Variants in WNK1 observed in about 807,000 individuals in gnomAD.
WNK1 encodes the protein WNK lysine deficient protein kinase 1.
In WNK1, 38 loss-of-function variants were observed where a neutral mutation model predicts 222.8. The observed-to-expected ratio is 0.17, with a 90% CI of 0.13 to 0.22. The LOEUF (loss-of-function observed/expected upper bound fraction) is 0.22, where lower values mean the gene tolerates loss of function less well. Ranked by LOEUF, WNK1 falls within the 10% of genes least tolerant of loss-of-function variation. The probability of loss-of-function intolerance (pLI) is 1.00; values close to 1 mark genes in which losing one functional copy is unlikely to be tolerated. For synonymous variants in WNK1, 1,090 were observed against 1,092.9 expected (o/e 1.00, Z 0.05); for missense variants, 2,348 against 2,918.4 (o/e 0.80, Z 4.50).
intron 1 of WNK1, among the ~76,000 whole-genome samples, chr12:780,013 G>C (rs911805807): frequency 6.6e-6 from 1 of 152,110 alleles, no homozygotes; most frequent in Admixed American, 6.6e-5. Flanking sequence ...TGCTTAATGG[G>C]TAATGTTGTT....
At chr12:828,526 G>T (rs1039569031) in intron 3 of WNK1, among the ~76,000 whole-genome samples, 1 of 151,986 alleles carries the variant, frequency 6.6e-6, no homozygotes, top group Non-Finnish European at 1.5e-5. Flanking sequence ...AGACTCTGGG[G>T]CAGCATTCCC....
In WNK1 at chr12:880,904, C is replaced by T. The variant is rs186736970; in HGVS notation, c.3016C>T (p.Pro1006Ser). Residue 1006 changes from proline (P) to serine (S), a missense_variant, in exon 12 of 28, where the codon CCT becomes TCT. Coordinates refer to ENST00000315939, the MANE Select transcript of WNK1 (RefSeq NM_018979.4). ...TTATGTGGAATCAAATCTTTTAGTTCCTATGGGTGGTGTAGGAGGACAGGT... is the reference window on the plus strand; with the variant it reads ...TTATGTGGAATCAAATCTTTTAGTTTCTATGGGTGGTGTAGGAGGACAGGT... Reference protein sequence around the residue: ...QPYVESNLLVPMGGVGGQVQV... With the variant: ...QPYVESNLLVSMGGVGGQVQV... 57 of 1,614,124 alleles carry T rather than the reference C, an allele frequency of 3.5e-5. No individual in the cohort carries two copies. The East Asian group carries it at 1.2e-3, about 35-fold the overall frequency.
chr12:854,877 G>A (rs1266741958), intron 4 of WNK1, among the ~76,000 whole-genome samples: 1 of 152,146 alleles, frequency 6.6e-6, no homozygotes, highest in African/African-American at 2.4e-5. Flanking sequence ...AATACACCGT[G>A]AGTGCTATGT....
chr12:900,575 A>G lies in WNK1; in HGVS notation c.6548A>G (p.Gln2183Arg), dbSNP rs1955171833. The change falls in exon 26 of 28, where the codon CAG becomes CGG. Residue 2183 changes from glutamine (Q) to arginine (R), a missense_variant. This residue lies in a region of WNK1 where 1,144 missense variants were observed against 1,273.6 expected (regional missense o/e 0.90). Coordinates refer to ENST00000315939, the MANE Select transcript of WNK1 (RefSeq NM_018979.4). The part of the protein sequence containing the change: ...IPESGQNQLL[Q>R]PLKPSPSSDN... Reference sequence around the variant, plus strand: ...GAGTCCGGGCAGAATCAGCTGTTACAGCCCCTTAAGCCATCTCCCTCCAGT... The same window carrying G: ...GAGTCCGGGCAGAATCAGCTGTTACGGCCCCTTAAGCCATCTCCCTCCAGT... The G allele has an allele frequency of 6.2e-7, 1 of 1,614,214 alleles. No homozygotes were observed. The highest frequency in any genetic ancestry group is 8.5e-7 in the Non-Finnish European group (1 of 1,180,034).
At chr12:766,168 T>G (rs1194876813) in intron 1 of WNK1, among the ~76,000 whole-genome samples, 1 of 152,150 alleles carries the variant, frequency 6.6e-6, no homozygotes, top group East Asian at 1.9e-4. Context: ...GCGATAAGGT[T>G]AGGTAACTAG....
intron 26 of WNK1, chr12:904,636 T>C: frequency 1.8e-6 from 1 of 544,368 alleles, no homozygotes; most frequent in South Asian, 1.7e-5. Flanking sequence ...TTTAACATGC[T>C]TAATTGAGAA....
At chr12:902,673 C>T (rs189880978) in intron 26 of WNK1, among the ~76,000 whole-genome samples, 2 of 152,322 alleles carry the variant, frequency 1.3e-5, no homozygotes, top group Admixed American at 1.3e-4. Flanking sequence ...CAAGTCACCC[C>T]ATCTTCCCCA....
intron 2 of WNK1, 134 bp downstream of exon 2, chr12:813,948 G>A (rs1947117621): frequency 2.2e-6 from 2 of 915,264 alleles, no homozygotes; most frequent in Admixed American, 2.2e-5. Context: ...TACTGTATTA[G>A]CATATTTCCT....
At chr12:757,325 TTTTTTTTTAA>T (rs1390315745) in intron 1 of WNK1, among the ~76,000 whole-genome samples, 10 of 103,004 alleles carry the variant, frequency 9.7e-5, no homozygotes, top group East Asian at 7.5e-4. Flanking sequence ...TTTTTTTTTT[TTTTTTTTTAA>T]AAAAAAAAAG....
intron 8 of WNK1, among the ~76,000 whole-genome samples, chr12:865,988 A>G (rs1951636427): frequency 6.6e-6 from 1 of 152,182 alleles, no homozygotes; most frequent in Admixed American, 6.5e-5. Flanking sequence ...AGATGCATAT[A>G]TAGTATGTAT....
chr12:894,764 C>A, intron 23 of WNK1, 129 bp downstream of exon 23: 1 of 779,290 alleles, frequency 1.3e-6, no homozygotes, highest in Non-Finnish European at 2.2e-6. Flanking sequence ...TACTTTATAG[C>A]TCTTTTTAGC....
At chr12:882,128 A>G in intron 14 of WNK1, 55 bp downstream of exon 14, 1 of 1,537,366 alleles carries the variant, frequency 6.5e-7, no homozygotes, top group Non-Finnish European at 8.8e-7. Flanking sequence ...GACACTGAAA[A>G]AGATTTTAGA....
chr12:805,199 C>A (rs916167617), intron 1 of WNK1, among the ~76,000 whole-genome samples: 2 of 152,028 alleles, frequency 1.3e-5, no homozygotes, highest in African/African-American at 2.4e-5. Flanking sequence ...GAGGAACTAT[C>A]GTGCTCTTTT....
chr12:764,384 C>T (rs1941406473), intron 1 of WNK1, among the ~76,000 whole-genome samples: 1 of 146,442 alleles, frequency 6.8e-6, no homozygotes, highest in African/African-American at 2.4e-5. Context: ...GCCTGTAATC[C>T]CAGCACTTTG....
chr12:814,730 A>G (rs1314857959), intron 2 of WNK1, among the ~76,000 whole-genome samples: 3 of 152,206 alleles, frequency 2.0e-5, no homozygotes, highest in South Asian at 2.1e-4. Flanking sequence ...CAGTTTTTCC[A>G]TGAACTGGTG....
chr12:814,321 C>CA (rs71439363), intron 2 of WNK1, among the ~76,000 whole-genome samples: 1,803 of 91,846 alleles, frequency 0.02, 24 homozygotes, highest in South Asian at 0.062. Context: ...ACTCTGTCTC[C>CA]AAAAAAAAAA....
intron 1 of WNK1, among the ~76,000 whole-genome samples, chr12:802,168 C>T (rs1381758880): frequency 6.6e-6 from 1 of 152,046 alleles, no homozygotes; most frequent in East Asian, 1.9e-4. Context: ...TTAGGTTGTA[C>T]GTGAATGAAC....
intron 6 of WNK1, 57 bp downstream of exon 6, chr12:859,521 C>A: frequency 7.2e-7 from 1 of 1,379,518 alleles, no homozygotes; most frequent in Non-Finnish European, 1.0e-6. Context: ...TCAATACTAT[C>A]ATTAAGCAAA....
rs182113007 is a variant in WNK1 at position 759,505 on chromosome 12, A to G, written c.759+5181A>G. The stretch of plus-strand genomic sequence containing the variant: ...GCCACCACGCCCGGCTAATTTTTGT[A>G]TTTTTAGTAGAGATGGGGTTTCACC... On this transcript the variant is annotated intron_variant, in intron 1 of 27. Transcript: ENST00000315939. 1.9e-4 allele frequency among the ~76,000 whole-genome samples: 28 copies of G among 146,566 alleles called. 2 individuals carry two copies. Among genetic ancestry groups the G allele is most frequent in the African/African-American group, 5.1e-4 (21 of 40,996 alleles).
Sources: allele counts gnomAD v4.1 joint callset (sites outside exome capture counted in the v4.1 genomes callset), GRCh38; gene constraint gnomAD v4.1.1; regional missense constraint gnomAD v4.1.1; transcripts MANE v1.5; gene names NCBI Gene and HGNC (gene_info 2026-07-23, HGNC 2026-07-21).